Variants in LRRTM4 observed in about 807,000 individuals in gnomAD.
LRRTM4 encodes the protein leucine rich repeat transmembrane neuronal 4.
LRRTM4 carries 25 observed loss-of-function variants against 47.6 expected under a neutral mutation model. The ratio of observed to expected loss-of-function variants is 0.53; its 90% CI spans 0.38 to 0.73. The LOEUF (loss-of-function observed/expected upper bound fraction) is 0.73, where lower values mean the gene tolerates loss of function less well. Ranked by LOEUF, LRRTM4 falls within the 30% of genes least tolerant of loss-of-function variation. The probability of loss-of-function intolerance (pLI) is 0.00; values close to 1 mark genes in which losing one functional copy is unlikely to be tolerated. For synonymous variants in LRRTM4, 311 were observed against 269.5 expected (o/e 1.15, Z -1.51); for missense variants, 638 against 713.4 (o/e 0.89, Z 1.20).
chr2:77,222,483 GAGA>G (rs1674665774), intron 3 of LRRTM4, among the ~76,000 whole-genome samples: 2 of 152,122 alleles, frequency 1.3e-5, no homozygotes, highest in African/African-American at 4.8e-5. Flanking sequence ...GAAGAAAAGA[GAGA>G]AGAATCAATT....
intron 3 of LRRTM4, among the ~76,000 whole-genome samples, chr2:76,935,535 G>C (rs1291316085): frequency 6.6e-6 from 1 of 152,006 alleles, no homozygotes; most frequent in Non-Finnish European, 1.5e-5. Flanking sequence ...CTTGAGCAGT[G>C]GTTTGTAGTT....
At chr2:77,361,779 A>G (rs1573311159) in intron 3 of LRRTM4, among the ~76,000 whole-genome samples, 1 of 151,970 alleles carries the variant, frequency 6.6e-6, no homozygotes, top group East Asian at 1.9e-4. Context: ...ATACTTCTTA[A>G]CTCTATCTTT....
chr2:76,818,544 T>G (rs1670966706), intron 3 of LRRTM4, among the ~76,000 whole-genome samples: 1 of 151,842 alleles, frequency 6.6e-6, no homozygotes, highest in Non-Finnish European at 1.5e-5. Flanking sequence ...GTTACCAGCC[T>G]TCTCTTTTTC....
chr2:76,981,218 T>C (rs1676597136), intron 3 of LRRTM4, among the ~76,000 whole-genome samples: 1 of 152,132 alleles, frequency 6.6e-6, no homozygotes, highest in African/African-American at 2.4e-5. Context: ...ATGTGGGAAA[T>C]ACGGACATGT....
chr2:77,131,954 A>G (rs1304345006), intron 3 of LRRTM4, among the ~76,000 whole-genome samples: 1 of 152,220 alleles, frequency 6.6e-6, no homozygotes. Context: ...TGATAAAGTC[A>G]GAGTATTTAG....
At position 77,049,157 on chromosome 2, in the gene LRRTM4, T is replaced by TATATATAC. The variant is rs1351971551; in HGVS notation, c.1552-300242_1552-300241insGTATATAT. Among the ~76,000 whole-genome samples the TATATATAC allele has an allele frequency of 2.2e-3, 230 of 106,194 alleles. 1 individual carries two copies. The highest frequency in any genetic ancestry group is 7.3e-3 in the African/African-American group (145 of 19,736). 69.7% of individuals were successfully genotyped at this position (106,194 alleles called of 152,430 possible). On this transcript the variant is annotated intron_variant, in intron 3 of 3. Transcript: ENST00000409884. ...ATATATATATATATATATATATATA[T>TATATATAC]ACACACACACACACACCACATTTTC... is the stretch of plus-strand genomic sequence containing the variant.
intron 3 of LRRTM4, among the ~76,000 whole-genome samples, chr2:77,201,556 C>T (rs140748456): frequency 1.3e-5 from 2 of 152,172 alleles, no homozygotes; most frequent in Non-Finnish European, 2.9e-5. Context: ...CATAATCCAA[C>T]TTCAGAAACA....
chr2:77,394,390 C>T (rs767865816), intron 3 of LRRTM4, among the ~76,000 whole-genome samples: 7 of 151,694 alleles, frequency 4.6e-5, no homozygotes, highest in Non-Finnish European at 8.8e-5. Flanking sequence ...AGATAGTTAC[C>T]GAGAGTTAAT....
At chr2:76,853,468 C>A (rs542722501) in intron 3 of LRRTM4, among the ~76,000 whole-genome samples, 2 of 152,042 alleles carry the variant, frequency 1.3e-5, no homozygotes, top group African/African-American at 4.8e-5. Context: ...TTTTTAAGAA[C>A]AAATCAAACT....
At chr2:77,468,249 T>C (rs181736084) in intron 3 of LRRTM4, among the ~76,000 whole-genome samples, 1 of 152,322 alleles carries the variant, frequency 6.6e-6, no homozygotes, top group African/African-American at 2.4e-5. Flanking sequence ...TCACTGATTT[T>C]TTTTTCATTC....
rs558095322 is a variant in LRRTM4, at chr2:77,067,716, CAT to C, written c.1552-318802_1552-318801del. Among the ~76,000 whole-genome samples, 856 of 147,696 alleles carry C rather than the reference CAT, an allele frequency of 5.8e-3. 11 individuals are homozygous for C. Among genetic ancestry groups the C allele is most frequent in the South Asian group, 0.049 (232 of 4,698 alleles). Reference sequence around the variant, plus strand: ...ACACACACACACACACACACACACACATACATATTTCAGGAAAAATGAAGAAA... The same window carrying C: ...ACACACACACACACACACACACACACACATATTTCAGGAAAAATGAAGAAA... On this transcript the variant is annotated intron_variant, in intron 3 of 3. Transcript: ENST00000409884.
At chr2:77,297,944 T>C (rs1361235832) in intron 3 of LRRTM4, among the ~76,000 whole-genome samples, 1 of 152,322 alleles carries the variant, frequency 6.6e-6, no homozygotes. Flanking sequence ...TCTTGCATTG[T>C]TTCCAAAGAA....
chr2:76,764,939 G>A (rs567228092), intron 3 of LRRTM4, among the ~76,000 whole-genome samples: 4 of 152,134 alleles, frequency 2.6e-5, no homozygotes, highest in African/African-American at 9.7e-5. Flanking sequence ...TGGAGCCTTG[G>A]GGGCAGGACC....
Position 77,068,248 on chromosome 2 carries a change from A to G in LRRTM4, c.1552-319332T>C, listed in dbSNP as rs1680027181. ...TGAAAAGGGAGAACATCTGCCAGCT[A>G]GAAACTTGTAAGTTGTTTCACTTGG... On this transcript the variant is annotated intron_variant, in intron 3 of 3. Transcript: ENST00000409884. 2.0e-5 allele frequency among the ~76,000 whole-genome samples: 3 copies of G among 152,214 alleles called. No individual in the cohort carries two copies. The South Asian group carries it at 6.2e-4, about 32-fold the overall frequency.
At chr2:77,363,894 T>C (rs1032394243) in intron 3 of LRRTM4, among the ~76,000 whole-genome samples, 1 of 152,150 alleles carries the variant, frequency 6.6e-6, no homozygotes, top group African/African-American at 2.4e-5. Flanking sequence ...GAAAAATCTT[T>C]AAACTAATTG....
At chr2:76,851,132 G>T (rs981610928) in intron 3 of LRRTM4, among the ~76,000 whole-genome samples, 4 of 152,162 alleles carry the variant, frequency 2.6e-5, no homozygotes, top group Non-Finnish European at 4.4e-5. Flanking sequence ...GTTCAGCCTC[G>T]TGCTTGGGCT....
At chr2:77,090,539 C>G (rs531172666) in intron 3 of LRRTM4, among the ~76,000 whole-genome samples, 18 of 152,268 alleles carry the variant, frequency 1.2e-4, no homozygotes, top group Admixed American at 3.3e-4. Flanking sequence ...ACAATTCCTT[C>G]CCTCCACTAT....
At position 77,340,357 on chromosome 2, in the gene LRRTM4, T is replaced by C. The variant is rs142094755; in HGVS notation, c.1551+177961A>G. 4.2e-4 allele frequency among the ~76,000 whole-genome samples: 64 copies of C among 151,968 alleles called. 1 individual carries two copies. Among genetic ancestry groups the C allele is most frequent in the Non-Finnish European group, 8.5e-4 (58 of 67,868 alleles). ...CACTCCAAGTTGGTATTTTCAATCA[T>C]AAAATTGGCATAATAATAGAATCTG... is the stretch of plus-strand genomic sequence containing the variant. On this transcript the variant is annotated intron_variant, in intron 3 of 3. Coordinates refer to ENST00000409884, the MANE Select transcript of LRRTM4 (RefSeq NM_001134745.3).
At chr2:76,873,504 G>GTATATATATATATATATATATATATATA (rs1371189658) in intron 3 of LRRTM4, among the ~76,000 whole-genome samples, 1 of 73,196 alleles carries the variant, frequency 1.4e-5, no homozygotes, top group Admixed American at 1.9e-4. Flanking sequence ...ATATATATGT[G>GTATATATATATATATATATATATATATA]TGTATATATA....
Sources: allele counts gnomAD v4.1 joint callset (sites outside exome capture counted in the v4.1 genomes callset), GRCh38; gene constraint gnomAD v4.1.1; transcripts MANE v1.5; gene names NCBI Gene and HGNC (gene_info 2026-07-23, HGNC 2026-07-21).